AFAP1: variants seen among roughly 807,000 people sequenced by gnomAD.
AFAP1 encodes the protein actin filament-associated protein 1.
In AFAP1, 75 loss-of-function variants were observed where a neutral mutation model predicts 93.9. The ratio of observed to expected loss-of-function variants is 0.80; its 90% CI spans 0.66 to 0.97. The LOEUF (loss-of-function observed/expected upper bound fraction) is 0.97. Ranked by LOEUF, AFAP1 falls within the 50% of genes least tolerant of loss-of-function variation. The pLI is 0.00. For missense variants in AFAP1, 1,201 were observed against 1,050.8 expected (o/e 1.14, Z -1.98); for synonymous variants, 517 against 430.7 (o/e 1.20, Z -2.48).
At position 7,891,454 on chromosome 4, in the gene AFAP1, G is replaced by A. The variant is rs115693120; in HGVS notation, c.-2-19374C>T. ...ACAGGAAACACTATATATTCTAACT[G>A]ATAATACTAGATCTAGGTAAATAGA... is the stretch of plus-strand genomic sequence containing the variant. On this transcript the variant is annotated intron_variant, in intron 1 of 17. Transcript: ENST00000420658. Among the ~76,000 whole-genome samples, 706 of 152,016 alleles carry A rather than the reference G, an allele frequency of 4.6e-3. 4 individuals carry two copies. The highest frequency in any genetic ancestry group is 0.015 in the African/African-American group (610 of 41,346).
intron 6 of AFAP1, among the ~76,000 whole-genome samples, chr4:7,827,105 T>C (rs1721489423): frequency 6.6e-6 from 1 of 152,080 alleles, no homozygotes; most frequent in African/African-American, 2.4e-5. Context: ...GATGACGTCA[T>C]CAGCTGGGCT....
At chr4:7,926,839 G>A (rs1017225281) in intron 1 of AFAP1, among the ~76,000 whole-genome samples, 52 of 152,110 alleles carry the variant, frequency 3.4e-4, no homozygotes, top group African/African-American at 1.3e-3. Context: ...TGGTTCAAGC[G>A]ATTCTCCCGC....
intron 9 of AFAP1, among the ~76,000 whole-genome samples, chr4:7,801,914 C>CAAACAA (rs1719067500): frequency 1.5e-5 from 1 of 65,186 alleles, no homozygotes; most frequent in South Asian, 9.7e-4. Context: ...GACCCTATCA[C>CAAACAA]AAAAAAAAAA....
intron 9 of AFAP1, among the ~76,000 whole-genome samples, chr4:7,809,113 GGTTA>G (rs568808937): frequency 2.8e-4 from 42 of 151,978 alleles, no homozygotes; most frequent in Non-Finnish European, 5.6e-4. Context: ...ACAATGCGCA[GGTTA>G]GTTACATATG....
chr4:7,790,599 C>T (rs2149003999), intron 11 of AFAP1, among the ~76,000 whole-genome samples: 1 of 152,206 alleles, frequency 6.6e-6, no homozygotes, highest in Admixed American at 6.5e-5. Context: ...ACCATAACCA[C>T]TTTTATGTCT....
chr4:7,768,716 C>A, intron 17 of AFAP1, 128 bp downstream of exon 17: 1 of 1,187,806 alleles, frequency 8.4e-7, no homozygotes, highest in South Asian at 2.2e-5. Context: ...TCCCAGATGT[C>A]TACTGAAGGC....
chr4:7,834,767 C>G (rs28575363), intron 6 of AFAP1, among the ~76,000 whole-genome samples: 82,309 of 152,122 alleles, frequency 0.54, 23,171 homozygotes, highest in African/African-American at 0.6. Context: ...AGAGGGGGTC[C>G]CTGGCAAAAT....
intron 14 of AFAP1, 168 bp from the exon 15 acceptor site, chr4:7,775,071 C>T: frequency 1.3e-6 from 1 of 767,586 alleles, no homozygotes; most frequent in Non-Finnish European, 2.0e-6. Flanking sequence ...AGCTTGGGAG[C>T]TTGAGGCTGC....
chr4:7,799,169 G>C (rs749045150), intron 10 of AFAP1: 20 of 833,480 alleles, frequency 2.4e-5, no homozygotes, highest in Admixed American at 6.2e-5. Context: ...ACAGAGCTGA[G>C]ACTGGAACCC....
intron 1 of AFAP1, among the ~76,000 whole-genome samples, chr4:7,910,983 C>T (rs996140587): frequency 1.3e-5 from 2 of 152,162 alleles, no homozygotes; most frequent in African/African-American, 2.4e-5. Flanking sequence ...TTTTTTCAGC[C>T]CCTTGGCTGA....
chr4:7,867,229 T>C (rs1002203572), intron 3 of AFAP1, among the ~76,000 whole-genome samples: 2 of 152,120 alleles, frequency 1.3e-5, no homozygotes, highest in Non-Finnish European at 2.9e-5. Context: ...GCCGGGTGGT[T>C]GGCTGAAGGC....
chr4:7,768,249 C>G (rs542520829), intron 17 of AFAP1, among the ~76,000 whole-genome samples: 1 of 152,368 alleles, frequency 6.6e-6, no homozygotes, highest in South Asian at 2.1e-4. Flanking sequence ...CCGCCAGGAC[C>G]CGTTTGCTTT....
intron 1 of AFAP1, among the ~76,000 whole-genome samples, chr4:7,916,663 G>A (rs16841407): frequency 0.37 from 56,261 of 151,966 alleles, 10,748 homozygotes; most frequent in African/African-American, 0.45. Flanking sequence ...CACACCTCCA[G>A]GCAGTTTGAA....
intron 3 of AFAP1, among the ~76,000 whole-genome samples, chr4:7,864,349 C>T (rs938663299): frequency 1.1e-4 from 16 of 152,196 alleles, no homozygotes; most frequent in Admixed American, 3.9e-4. Context: ...CTACCAGTCC[C>T]GTCCTGACCC....
At chr4:7,864,021 C>CCTTCCCAACTTCCCATCACAACA (rs1716077537) in intron 3 of AFAP1, among the ~76,000 whole-genome samples, 1 of 10,774 alleles carries the variant, frequency 9.3e-5, no homozygotes, top group African/African-American at 5.9e-4. Flanking sequence ...CCATCACAAC[C>CCTTCCCAACTTCCCATCACAACA]CATTCCCAAC....
intron 9 of AFAP1, among the ~76,000 whole-genome samples, chr4:7,808,678 A>G (rs972071542): frequency 6.6e-6 from 1 of 152,204 alleles, no homozygotes; most frequent in Non-Finnish European, 1.5e-5. Context: ...TGTGATCCCC[A>G]GTGTGGGGGG....
intron 1 of AFAP1, among the ~76,000 whole-genome samples, chr4:7,878,063 C>T (rs894396460): frequency 7.2e-5 from 11 of 152,174 alleles, no homozygotes; most frequent in East Asian, 3.9e-4. Flanking sequence ...AATCTCACTA[C>T]GGCGCCAAAG....
At chr4:7,797,222 C>T (rs1404682076) in intron 10 of AFAP1, among the ~76,000 whole-genome samples, 1 of 152,154 alleles carries the variant, frequency 6.6e-6, no homozygotes, top group East Asian at 1.9e-4. Context: ...CATTTAGAAA[C>T]TGTCATTATG....
intron 7 of AFAP1, among the ~76,000 whole-genome samples, chr4:7,816,443 A>AAAT (rs141078079): frequency 5.7e-4 from 87 of 152,364 alleles, no homozygotes; most frequent in African/African-American, 2.1e-3. Flanking sequence ...TCACCAAGCC[A>AAAT]TATTATCCTC....
Sources: gnomAD v4.1 joint callset for allele counts (sites outside exome capture counted in the v4.1 genomes callset) on GRCh38, gnomAD v4.1.1 for gene constraint, MANE v1.5 for transcripts, NCBI Gene and HGNC (gene_info 2026-07-23, HGNC 2026-07-21) for gene names.